SLC24A2: variants seen among roughly 807,000 people sequenced by gnomAD.
The protein encoded by SLC24A2 is solute carrier family 24 member 2.
Under a neutral mutation model 62.0 loss-of-function variants are expected in SLC24A2, and 36 were observed. The ratio of observed to expected loss-of-function variants is 0.58; its 90% CI spans 0.44 to 0.77. The LOEUF (loss-of-function observed/expected upper bound fraction) is 0.77, where lower values mean the gene tolerates loss of function less well. SLC24A2 is among the 30% of genes least tolerant of loss of function. The pLI, the probability that SLC24A2 is intolerant of heterozygous loss-of-function variation, is 0.00. For missense variants in SLC24A2, 846 were observed against 817.9 expected (o/e 1.03, Z -0.42); for synonymous variants, 358 against 294.0 (o/e 1.22, Z -2.23).
At chr9:19,801,609 C>G in the SLC24A2 span, among the ~76,000 whole-genome samples, 1 of 152,248 alleles carries the variant, frequency 6.6e-6, no homozygotes, top group South Asian at 2.1e-4. Flanking sequence ...TTGTCTCTCC[C>G]ACTGTGCTCT....
intron 8 of SLC24A2, among the ~76,000 whole-genome samples, chr9:19,545,317 A>T (rs978489159): frequency 4.9e-4 from 75 of 152,088 alleles, no homozygotes; most frequent in African/African-American, 1.8e-3. Flanking sequence ...TATTCCAGTT[A>T]GCAATTCGCG....
chr9:19,741,428 T>A (rs995377954), intron 2 of SLC24A2, among the ~76,000 whole-genome samples: 2 of 152,172 alleles, frequency 1.3e-5, no homozygotes, highest in African/African-American at 4.8e-5. Context: ...TCACAGCAGG[T>A]GAATTCAATG....
chr9:19,548,595 G>T (rs1303355822), intron 8 of SLC24A2, among the ~76,000 whole-genome samples: 1 of 152,158 alleles, frequency 6.6e-6, no homozygotes, highest in African/African-American at 2.4e-5. Flanking sequence ...AGATCAAGAA[G>T]GTATTAGACC....
chr9:19,610,208 C>T (rs1029096703), intron 4 of SLC24A2, among the ~76,000 whole-genome samples: 11 of 152,192 alleles, frequency 7.2e-5, no homozygotes, highest in Non-Finnish European at 5.9e-5. Flanking sequence ...TTTGAATCTA[C>T]ACAAGGAAGG....
intron 2 of SLC24A2, among the ~76,000 whole-genome samples, chr9:19,652,513 A>G (rs138879438): frequency 1.3e-5 from 2 of 152,270 alleles, no homozygotes; most frequent in East Asian, 1.9e-4. Context: ...TGCACTTTGA[A>G]GATGGGGGAA....
chr9:20,153,055 A>C, the SLC24A2 span, among the ~76,000 whole-genome samples: 1 of 151,962 alleles, frequency 6.6e-6, no homozygotes, highest in African/African-American at 2.4e-5. Context: ...TAAAAGCAAC[A>C]CATGCTTATA....
intron 2 of SLC24A2, chr9:19,705,585 G>A (rs979073948): frequency 1.3e-5 from 3 of 229,980 alleles, no homozygotes; most frequent in Non-Finnish European, 2.9e-5. Flanking sequence ...AACTAGCCAG[G>A]ACTAGTGAGC....
the SLC24A2 span, among the ~76,000 whole-genome samples, chr9:20,156,454 GTCC>G: frequency 6.6e-6 from 1 of 151,650 alleles, no homozygotes; most frequent in African/African-American, 2.4e-5. Flanking sequence ...TTTCAGTAAA[GTCC>G]TCATCTCTCT....
intron 2 of SLC24A2, among the ~76,000 whole-genome samples, chr9:19,716,909 G>T (rs373021335): frequency 1.3e-5 from 2 of 152,202 alleles, no homozygotes; most frequent in East Asian, 3.9e-4. Context: ...AGTTACTATT[G>T]TTATTTTTGT....
chr9:19,791,627 C>A (rs1444186747), upstream of SLC24A2, among the ~76,000 whole-genome samples: 1 of 152,162 alleles, frequency 6.6e-6, no homozygotes, highest in African/African-American at 2.4e-5. Flanking sequence ...AAAAGCAGGG[C>A]CTGTCATTTG....
At chr9:20,268,992 A>G in the SLC24A2 span, among the ~76,000 whole-genome samples, 2 of 152,180 alleles carry the variant, frequency 1.3e-5, no homozygotes, top group Non-Finnish European at 2.9e-5. Flanking sequence ...GCAGCTAAGG[A>G]TTTTTGTTAT....
At chr9:20,042,148 G>A in the SLC24A2 span, among the ~76,000 whole-genome samples, 1 of 152,196 alleles carries the variant, frequency 6.6e-6, no homozygotes, top group African/African-American at 2.4e-5. Flanking sequence ...GGTCAAGAGG[G>A]CACAGCTCTG....
the SLC24A2 span, among the ~76,000 whole-genome samples, chr9:20,285,003 G>C: frequency 6.6e-6 from 1 of 152,332 alleles, no homozygotes; most frequent in Admixed American, 6.5e-5. Flanking sequence ...TCTATTAGCA[G>C]TTTTTAAATG....
the SLC24A2 span, among the ~76,000 whole-genome samples, chr9:19,905,626 T>G: frequency 3.3e-5 from 5 of 152,052 alleles, no homozygotes; most frequent in Non-Finnish European, 7.4e-5. Flanking sequence ...TTGGTCAGGC[T>G]GCTCACGAAC....
At chr9:19,926,885 G>T in the SLC24A2 span, 5 of 152,666 alleles carry the variant, frequency 3.3e-5, no homozygotes, top group Admixed American at 3.3e-4. Flanking sequence ...GCAGAGTCTG[G>T]AAGAGCCCCC....
At chr9:19,639,634 A>G (rs1047728212) in intron 2 of SLC24A2, among the ~76,000 whole-genome samples, 4 of 152,264 alleles carry the variant, frequency 2.6e-5, no homozygotes, top group African/African-American at 9.6e-5. Context: ...TTGTATGGAC[A>G]TATGGGTCAC....
the SLC24A2 span, among the ~76,000 whole-genome samples, chr9:20,080,685 C>T: frequency 1.3e-5 from 2 of 152,192 alleles, no homozygotes; most frequent in Non-Finnish European, 2.9e-5. Context: ...TCAGAGTGAA[C>T]AGGCAATCTA....
the SLC24A2 span, among the ~76,000 whole-genome samples, chr9:20,126,523 T>C: frequency 6.6e-6 from 1 of 152,208 alleles, no homozygotes; most frequent in African/African-American, 2.4e-5. Flanking sequence ...AAATTCTTTT[T>C]AGAATTCAGC....
the SLC24A2 span, among the ~76,000 whole-genome samples, chr9:20,205,464 C>T: frequency 3.3e-5 from 5 of 151,790 alleles, no homozygotes; most frequent in East Asian, 5.8e-4. Flanking sequence ...CTGGTTAATA[C>T]AGTGAAACAC....
Sources: gnomAD v4.1 joint callset for allele counts (sites outside exome capture counted in the v4.1 genomes callset) on GRCh38, gnomAD v4.1.1 for gene constraint, MANE v1.5 for transcripts, NCBI Gene and HGNC (gene_info 2026-07-23, HGNC 2026-07-21) for gene names.